The following RDH12 variants were observed in gnomAD, a reference collection of about 807,000 sequenced individuals.
RDH12 encodes all-trans and 9-cis retinol dehydrogenase.
A neutral mutation model predicts 34.0 loss-of-function variants in RDH12; 21 were observed. The ratio of observed to expected loss-of-function variants is 0.62; its 90% CI spans 0.44 to 0.89. The LOEUF is 0.89. Ranked by LOEUF, RDH12 falls within the 40% of genes least tolerant of loss-of-function variation. The probability of loss-of-function intolerance (pLI) is 0.00; values close to 1 mark genes in which losing one functional copy is unlikely to be tolerated. For missense variants in RDH12, 394 were observed against 398.6 expected, an observed-to-expected ratio of 0.99 and a Z score of 0.10; for synonymous variants, 198 against 169.9, an observed-to-expected ratio of 1.17 and a Z score of -1.29.
intron 6 of RDH12, among the ~76,000 whole-genome samples, 191 bp from the exon 7 acceptor site, chr14:67,726,790 T>C (rs2038191280): frequency 6.6e-6 from 1 of 152,204 alleles, no homozygotes; most frequent in South Asian, 2.1e-4. Flanking sequence ...GCCTTACTTG[T>C]AGTCTAGCTC....
At chr14:67,721,738 GATATAT>G (rs3039650) in intron 2 of RDH12, among the ~76,000 whole-genome samples, 47,898 of 146,684 alleles carry the variant, frequency 0.33, 8,174 homozygotes, top group East Asian at 0.56. Context: ...AACAAGTGGG[GATATAT>G]ATATATATAT....
chr14:67,711,613 G>A (rs572825683), intron 1 of RDH12, among the ~76,000 whole-genome samples: 12 of 152,108 alleles, frequency 7.9e-5, no homozygotes, highest in Admixed American at 2.0e-4. Flanking sequence ...TGACATATTA[G>A]TCATGCCAAT....
intron 1 of RDH12, among the ~76,000 whole-genome samples, chr14:67,704,671 A>G (rs2037933364): frequency 6.6e-6 from 1 of 152,188 alleles, no homozygotes; most frequent in Non-Finnish European, 1.5e-5. Flanking sequence ...ATGCGACTGG[A>G]AAAGGAAAAA....
At chr14:67,725,002 G>A in intron 4 of RDH12, 97 bp from the exon 5 acceptor site, 6 of 1,358,672 alleles carry the variant, frequency 4.4e-6, no homozygotes, top group Non-Finnish European at 5.3e-6. Context: ...ATGGCTGGGA[G>A]AATGAATGCT....
intron 1 of RDH12, among the ~76,000 whole-genome samples, chr14:67,712,575 A>G (rs968640534): frequency 2.6e-5 from 4 of 151,854 alleles, no homozygotes; most frequent in Non-Finnish European, 5.9e-5. Flanking sequence ...TTTAAATACA[A>G]ACACACCTTG....
chr14:67,730,995 A>T (rs2038263874), intron 8 of RDH12, among the ~76,000 whole-genome samples: 3 of 152,196 alleles, frequency 2.0e-5, no homozygotes, highest in Admixed American at 2.0e-4. Context: ...GATAAAAGAT[A>T]TCTCATTTTT....
chr14:67,727,226 C>T (rs1271451523), intron 7 of RDH12, 36 bp downstream of exon 7: 1 of 1,560,432 alleles, frequency 6.4e-7, no homozygotes, highest in Non-Finnish European at 8.7e-7. Context: ...AAAAATGGTC[C>T]TCAGACCAAA....
chr14:67,723,309 C>T (rs988109137), intron 3 of RDH12, among the ~76,000 whole-genome samples: 6 of 152,162 alleles, frequency 3.9e-5, no homozygotes, highest in Admixed American at 6.5e-5. Context: ...TCATAGGTCA[C>T]TGCAGCCTTG....
chr14:67,721,453 C>T (rs557760100), intron 2 of RDH12, among the ~76,000 whole-genome samples: 5 of 152,236 alleles, frequency 3.3e-5, no homozygotes, highest in South Asian at 4.1e-4. Context: ...ACTAAGTTGC[C>T]TAAGCTCAGT....
intron 1 of RDH12, among the ~76,000 whole-genome samples, chr14:67,708,203 A>G (rs1239974547): frequency 6.6e-6 from 1 of 152,212 alleles, no homozygotes; most frequent in Non-Finnish European, 1.5e-5. Context: ...TTAAAAGAAA[A>G]GTTTTCTTGA....
At chr14:67,704,359 A>T (rs1007953325) in intron 1 of RDH12, among the ~76,000 whole-genome samples, 1 of 152,172 alleles carries the variant, frequency 6.6e-6, no homozygotes, top group Non-Finnish European at 1.5e-5. Flanking sequence ...TTTTAAAATA[A>T]TTTTTTTAGA....
intron 1 of RDH12, chr14:67,714,591 T>C (rs764645202): frequency 8.9e-5 from 15 of 168,050 alleles, no homozygotes; most frequent in Non-Finnish European, 1.8e-4. Context: ...ATATGTTCTC[T>C]AGGCCTTTTA....
intron 6 of RDH12, among the ~76,000 whole-genome samples, chr14:67,726,450 G>A (rs2038186879): frequency 6.6e-6 from 1 of 152,214 alleles, no homozygotes; most frequent in Non-Finnish European, 1.5e-5. Context: ...CCAGACCTGG[G>A]GTTATGCAGG....
Position 67,733,533 on chromosome 14 carries a change from GT to G in RDH12, c.849-211del, listed in dbSNP as rs1305191356. ...ATTATTAGACCTGGTACTAGATCTT[GT>G]TATAGAATATATTAATAAATAAGCC... is the stretch of plus-strand genomic sequence containing the variant. On this transcript the variant is annotated intron_variant, in intron 8 of 8. Coordinates refer to ENST00000551171, the MANE Select transcript of RDH12 (RefSeq NM_152443.3). 3.9e-5 allele frequency among the ~76,000 whole-genome samples: 6 copies of G among 152,210 alleles called. No homozygotes were observed. In the East Asian group the frequency reaches 9.6e-4, roughly 24 times the overall value.
In RDH12 at chr14:67,724,592, G is replaced by T. The variant is rs201102789; in HGVS notation, c.187+1G>T. 1.2e-6 allele frequency: 2 copies of T among 1,609,926 alleles called. No individual in the cohort carries two copies. The highest frequency in any genetic ancestry group is 1.3e-5 in the African/African-American group (1 of 74,942). On this transcript the variant is annotated splice_donor_variant, in intron 4 of 8. Coordinates refer to ENST00000551171, the MANE Select transcript of RDH12 (RefSeq NM_152443.3). LOFTEE classifies it high-confidence loss of function. ...ACGGCCAGAGAGCTCGCTAGCCGAG[G>T]TAAGTGTTTCCCCTTTAGTCTCCAA...
chr14:67,713,972 T>G (rs4902512), intron 1 of RDH12, among the ~76,000 whole-genome samples: 20,393 of 152,050 alleles, frequency 0.13, 1,409 homozygotes, highest in East Asian at 0.21. Context: ...TGAGGAGAGG[T>G]ATGACTTTGA....
intron 3 of RDH12, among the ~76,000 whole-genome samples, chr14:67,723,932 G>A (rs756473): frequency 0.65 from 98,896 of 152,072 alleles, 33,839 homozygotes; most frequent in Non-Finnish European, 0.76. Flanking sequence ...TGAAAGCCTC[G>A]GAAATGACCC....
At position 67,725,111 on chromosome 14, in the gene RDH12, A is replaced by G; in HGVS notation, c.200A>G (p.Tyr67Cys). The change falls in exon 5 of 9, where the codon TAT becomes TGT. Residue 67 changes from tyrosine to cysteine, a missense_variant. Transcript: ENST00000551171. ...RELASRGARVYIACRDVLKGE... is the reference protein window; with the variant it reads ...RELASRGARVCIACRDVLKGE... ...GTCTTGGACCCAGGAGCCCGAGTCTATATTGCCTGCAGAGATGTACTGAAG... is the reference window on the plus strand; with the variant it reads ...GTCTTGGACCCAGGAGCCCGAGTCTGTATTGCCTGCAGAGATGTACTGAAG... 6.2e-7 allele frequency: 1 copy of G among 1,614,184 alleles called. No homozygotes were observed. Among genetic ancestry groups the G allele is most frequent in the Middle Eastern group, 1.6e-4 (1 of 6,062 alleles).
At chr14:67,724,350 C>G in intron 3 of RDH12, 123 bp from the exon 4 acceptor site, 1 of 788,980 alleles carries the variant, frequency 1.3e-6, no homozygotes, top group Non-Finnish European at 2.2e-6. Flanking sequence ...TATGAGTCTC[C>G]TGACTGCAAC....
Sources: allele counts gnomAD v4.1 joint callset (sites outside exome capture counted in the v4.1 genomes callset), GRCh38; gene constraint gnomAD v4.1.1; transcripts MANE v1.5; gene names NCBI Gene and HGNC (gene_info 2026-07-23, HGNC 2026-07-21).